A1CF: variants seen among roughly 807,000 people sequenced by gnomAD.
A1CF encodes APOBEC-1 stimulating protein.
A neutral mutation model predicts 68.9 loss-of-function variants in A1CF; 48 were observed. The observed-to-expected ratio is 0.70, with a 90% CI of 0.55 to 0.89. The LOEUF (loss-of-function observed/expected upper bound fraction) is 0.89, where lower values mean the gene tolerates loss of function less well. Among genes scored for constraint, A1CF ranks in the 40% least tolerant of loss-of-function variants. The pLI, the probability that A1CF is intolerant of heterozygous loss-of-function variation, is 0.00. For synonymous variants in A1CF, 272 were observed against 260.4 expected (o/e 1.04, Z -0.43); for missense variants, 653 against 718.9 (o/e 0.91, Z 1.05).
At chr10:50,825,017 A>T (rs1838851419) in intron 7 of A1CF, among the ~76,000 whole-genome samples, 1 of 152,124 alleles carries the variant, frequency 6.6e-6, no homozygotes, top group South Asian at 2.1e-4. Context: ...CCCTCACACT[A>T]ATATTTCAGG....
At chr10:50,812,265 C>T (rs996816600) in intron 10 of A1CF, among the ~76,000 whole-genome samples, 1 of 152,166 alleles carries the variant, frequency 6.6e-6, no homozygotes, top group Non-Finnish European at 1.5e-5. Flanking sequence ...TCACTGCTGA[C>T]TTTGCAGGAA....
chr10:50,806,704 T>C lies in A1CF; in HGVS notation c.*25A>G. 1 of 1,565,842 alleles carries C rather than the reference T, an allele frequency of 6.4e-7. No individual in the cohort carries two copies. The highest frequency in any genetic ancestry group is 8.6e-7 in the Non-Finnish European group (1 of 1,160,594). On this transcript the variant is annotated 3_prime_UTR_variant, in exon 13 of 13. Transcript: ENST00000373997. ...TTTTTTAATAGAGTTTTGTGTGTCTTATTCTTAAATTTAAAAAAGCATCTT... is the reference window on the plus strand; with the variant it reads ...TTTTTTAATAGAGTTTTGTGTGTCTCATTCTTAAATTTAAAAAAGCATCTT...
In A1CF at chr10:50,816,092, G is replaced by C. The variant is rs919064302; in HGVS notation, c.1055C>G (p.Thr352Ser). Residue 352 changes from threonine to serine, a missense_variant, in exon 9 of 13, where the codon ACC becomes AGC. Physicochemically the swap from Thr to Ser is moderately conservative, Grantham distance 58 (BLOSUM62 1). Transcript: ENST00000373997. ...LGAPVFYAPQ[T>S]YAAIPSLHFP... ...ATGAAGACTGGGAATTGCTGCATAG[G>C]TCTGGGGGGCATAGAAGACAGGAGC... The C allele has an allele frequency of 6.2e-7, 1 of 1,613,838 alleles. No homozygotes were observed. The highest frequency in any genetic ancestry group is 8.5e-7 in the Non-Finnish European group (1 of 1,179,874).
intron 7 of A1CF, among the ~76,000 whole-genome samples, chr10:50,827,431 G>A (rs1349028718): frequency 2.7e-5 from 4 of 150,344 alleles, no homozygotes; most frequent in Admixed American, 6.7e-5. Flanking sequence ...ATAACAAACT[G>A]TCTCTCAGAC....
intron 1 of A1CF, among the ~76,000 whole-genome samples, chr10:50,880,192 C>T (rs1479887803): frequency 6.6e-6 from 1 of 152,152 alleles, no homozygotes; most frequent in Non-Finnish European, 1.5e-5. Flanking sequence ...CTTGATGCTT[C>T]CCAGTGTTCC....
At chr10:50,861,207 T>C (rs1438489243) in intron 2 of A1CF, among the ~76,000 whole-genome samples, 2 of 151,900 alleles carry the variant, frequency 1.3e-5, no homozygotes, top group Non-Finnish European at 2.9e-5. Context: ...CTTTAAGGTA[T>C]TCTATTACTA....
intron 1 of A1CF, among the ~76,000 whole-genome samples, chr10:50,867,319 A>G (rs1841039802): frequency 6.6e-6 from 1 of 152,018 alleles, no homozygotes; most frequent in Admixed American, 6.5e-5. Context: ...AATATTATAT[A>G]TGTATAGTAG....
At chr10:50,879,057 T>C (rs1317550438) in intron 1 of A1CF, among the ~76,000 whole-genome samples, 1 of 152,170 alleles carries the variant, frequency 6.6e-6, no homozygotes, top group Non-Finnish European at 1.5e-5. Context: ...TGTTAAGCGA[T>C]TTTAGTCCCT....
At position 50,842,136 on chromosome 10, in the gene A1CF, T is replaced by C. The variant is rs559638998; in HGVS notation, c.235-144A>G. ...CTGCCAGTACTATTTGGCATTTGCA[T>C]CCCATGTGGAATGGTTTGCATATTT... is the stretch of plus-strand genomic sequence containing the variant. On this transcript the variant is annotated intron_variant, in intron 4 of 12. Transcript: ENST00000373997. The C allele has an allele frequency of 1.9e-5, 13 of 674,370 alleles. No individual in the cohort carries two copies. The East Asian group carries it at 3.7e-4, about 19-fold the overall frequency. 41.8% of individuals were successfully genotyped at this position (674,370 alleles called of 1,614,324 possible). A position where few individuals can be genotyped will look rare whatever the true frequency, so the allele number is the denominator to read the frequency against.
At chr10:50,875,045 G>T (rs2132601485) in intron 1 of A1CF, among the ~76,000 whole-genome samples, 1 of 152,132 alleles carries the variant, frequency 6.6e-6, no homozygotes, top group East Asian at 1.9e-4. Flanking sequence ...CACGTGACAG[G>T]TCAAACAAAA....
At chr10:50,824,638 A>G (rs759729303) in intron 7 of A1CF, 3 of 152,090 alleles carry the variant, frequency 2.0e-5, no homozygotes, top group Non-Finnish European at 4.4e-5. Flanking sequence ...TTCCTTCCAC[A>G]GTGCCTGGCA....
chr10:50,883,986 TAGA>T (rs1841894917), intron 1 of A1CF, among the ~76,000 whole-genome samples: 1 of 152,204 alleles, frequency 6.6e-6, no homozygotes, highest in South Asian at 2.1e-4. Context: ...GGAGAGAACT[TAGA>T]AGTAGACCCG....
At chr10:50,861,513 T>C (rs564378844) in intron 2 of A1CF, among the ~76,000 whole-genome samples, 27 of 148,540 alleles carry the variant, frequency 1.8e-4, no homozygotes, top group African/African-American at 5.9e-4. Context: ...TAATAAGATA[T>C]ACTATTAGTA....
At chr10:50,845,398 TC>T (rs1308136633) in intron 3 of A1CF, among the ~76,000 whole-genome samples, 1 of 152,244 alleles carries the variant, frequency 6.6e-6, no homozygotes, top group Non-Finnish European at 1.5e-5. Flanking sequence ...TTACTTCTTT[TC>T]AAACAAATAC....
At position 50,820,452 on chromosome 10, in the gene A1CF, A is replaced by G. The variant is rs1838593213; in HGVS notation, c.867+100T>C. On this transcript the variant is annotated intron_variant, in intron 8 of 12. Transcript: ENST00000373997. The stretch of plus-strand genomic sequence containing the variant: ...TGGACTGAGGCAGCCATGTCAGAGA[A>G]GGCTGGAGTGAGACAGGCTTGCAGG... The G allele has an allele frequency of 3.3e-6, 3 of 920,000 alleles. No homozygotes were observed. In the East Asian group the frequency reaches 7.8e-5, roughly 24 times the overall value. 57.0% of individuals were successfully genotyped at this position (920,000 alleles called of 1,614,324 possible).
intron 5 of A1CF, among the ~76,000 whole-genome samples, chr10:50,837,175 G>A (rs1249430327): frequency 6.6e-6 from 1 of 152,222 alleles, no homozygotes; most frequent in African/African-American, 2.4e-5. Context: ...GAGATCGGCA[G>A]AGTAGAAGTT....
rs920459540 is a variant in A1CF, at chr10:50,803,472, C to T, written c.*3257G>A. ...AGCATTTCGGGTGCTGTTCCCCAAA[C>T]ATAGTGTTGTTTGGCATGATACCAG... is the stretch of plus-strand genomic sequence containing the variant. On this transcript the variant is annotated 3_prime_UTR_variant, in exon 13 of 13. Coordinates refer to ENST00000373997, the MANE Select transcript of A1CF (RefSeq NM_014576.4). The T allele has an allele frequency of 1.3e-5, 2 of 152,162 alleles. No homozygotes were observed. Among genetic ancestry groups the T allele is most frequent in the Admixed American group, 1.3e-4 (2 of 15,266 alleles). 9.4% of individuals were successfully genotyped at this position (152,162 alleles called of 1,614,324 possible).
At chr10:50,819,038 G>A (rs893416319) in intron 8 of A1CF, among the ~76,000 whole-genome samples, 5 of 152,162 alleles carry the variant, frequency 3.3e-5, no homozygotes, top group Non-Finnish European at 5.9e-5. Flanking sequence ...CAGTGAATTC[G>A]GGGCATTTAT....
intron 1 of A1CF, among the ~76,000 whole-genome samples, chr10:50,874,283 T>G (rs1442600494): frequency 2.0e-5 from 3 of 146,796 alleles, no homozygotes; most frequent in African/African-American, 7.6e-5. Flanking sequence ...AACAATTTAC[T>G]TTCATATAAA....
Sources: allele counts gnomAD v4.1 joint callset (sites outside exome capture counted in the v4.1 genomes callset), GRCh38; gene constraint gnomAD v4.1.1; transcripts MANE v1.5; gene names NCBI Gene and HGNC (gene_info 2026-07-23, HGNC 2026-07-21).